The following LDLRAD3 variants were observed in gnomAD, a reference collection of about 807,000 sequenced individuals.
The protein encoded by LDLRAD3 is low-density lipoprotein receptor class A domain-containing protein 3.
A neutral mutation model predicts 29.4 loss-of-function variants in LDLRAD3; 20 were observed. The ratio of observed to expected loss-of-function variants is 0.68; its 90% CI spans 0.48 to 0.99. LDLRAD3 has a LOEUF of 0.99. LDLRAD3 is among the 50% of genes least tolerant of loss of function. The pLI, the probability that LDLRAD3 is intolerant of heterozygous loss-of-function variation, is 0.00. For missense variants in LDLRAD3, 420 were observed against 454.3 expected, an observed-to-expected ratio of 0.92 and a Z score of 0.69; for synonymous variants, 157 against 192.7, an observed-to-expected ratio of 0.81 and a Z score of 1.53.
chr11:36,106,237 C>T (rs1853527385), intron 4 of LDLRAD3, among the ~76,000 whole-genome samples: 2 of 152,186 alleles, frequency 1.3e-5, no homozygotes, highest in Non-Finnish European at 2.9e-5. Context: ...ATTTTCTGTA[C>T]TTGGTGCACA....
chr11:36,165,950 C>T (rs1163764064), intron 4 of LDLRAD3, among the ~76,000 whole-genome samples: 5 of 117,074 alleles, frequency 4.3e-5, no homozygotes, highest in Non-Finnish European at 6.9e-5. Context: ...TGCTTCCTCC[C>T]TCCCTCCCTC....
chr11:36,113,092 G>C (rs954742), intron 4 of LDLRAD3, among the ~76,000 whole-genome samples: 4,326 of 152,212 alleles, frequency 0.028, 202 homozygotes, highest in African/African-American at 0.098. Context: ...ATCTTTTGAG[G>C]GACTTTTGGG....
At chr11:36,047,336 A>G (rs1466143300) in intron 2 of LDLRAD3, among the ~76,000 whole-genome samples, 1 of 152,196 alleles carries the variant, frequency 6.6e-6, no homozygotes, top group African/African-American at 2.4e-5. Context: ...TCTTTCATGC[A>G]TTTCACCGTC....
chr11:36,036,309 A>G (rs2133210307), intron 2 of LDLRAD3, 60 bp downstream of exon 2: 1 of 1,604,446 alleles, frequency 6.2e-7, no homozygotes, highest in African/African-American at 1.3e-5. Context: ...AGAGGGGAGC[A>G]GGTCCTGAGC....
At chr11:36,099,114 T>G (rs554818503) in intron 4 of LDLRAD3, among the ~76,000 whole-genome samples, 1 of 152,308 alleles carries the variant, frequency 6.6e-6, no homozygotes, top group South Asian at 2.1e-4. Context: ...TGTTTACTGC[T>G]TTGTTTCCTT....
chr11:36,126,774 G>A (rs185165387), intron 4 of LDLRAD3, among the ~76,000 whole-genome samples: 1 of 152,210 alleles, frequency 6.6e-6, no homozygotes, highest in African/African-American at 2.4e-5. Flanking sequence ...TTTAATTTCT[G>A]TTGAAAGGAA....
At chr11:35,964,358 C>T (rs568459196) in intron 1 of LDLRAD3, among the ~76,000 whole-genome samples, 11 of 152,104 alleles carry the variant, frequency 7.2e-5, no homozygotes, top group Non-Finnish European at 1.6e-4. Context: ...GAACAACTTG[C>T]TGGGACTTGG....
intron 1 of LDLRAD3, among the ~76,000 whole-genome samples, chr11:35,980,542 T>C (rs1851527983): frequency 6.6e-6 from 1 of 152,216 alleles, no homozygotes; most frequent in African/African-American, 2.4e-5. Context: ...ATGAGAAATA[T>C]TATTTTATTA....
At chr11:36,095,017 C>G (rs1221335362) in intron 3 of LDLRAD3, among the ~76,000 whole-genome samples, 1 of 152,026 alleles carries the variant, frequency 6.6e-6, no homozygotes, top group Non-Finnish European at 1.5e-5. Context: ...AGACCCCTGT[C>G]TCTACAAAAC....
chr11:36,199,928 A>C (rs746925692), intron 4 of LDLRAD3, among the ~76,000 whole-genome samples: 4 of 152,094 alleles, frequency 2.6e-5, no homozygotes, highest in Admixed American at 6.6e-5. Context: ...GCACTTTAGG[A>C]GGCTGAGGTG....
intron 4 of LDLRAD3, among the ~76,000 whole-genome samples, chr11:36,180,234 CCTCTTCACT>C (rs976067715): frequency 1.8e-4 from 27 of 152,000 alleles, no homozygotes; most frequent in African/African-American, 6.0e-4. Context: ...GATTTGTCTG[CCTCTTCACT>C]CTCTTCTGCT....
intron 1 of LDLRAD3, among the ~76,000 whole-genome samples, chr11:36,025,633 C>T (rs1852155520): frequency 1.3e-5 from 2 of 151,912 alleles, no homozygotes; most frequent in Non-Finnish European, 2.9e-5. Flanking sequence ...TTGTGATCTG[C>T]CCGCCTCGGC....
intron 1 of LDLRAD3, among the ~76,000 whole-genome samples, chr11:35,958,977 C>T (rs928897971): frequency 2.6e-5 from 4 of 152,174 alleles, no homozygotes; most frequent in Non-Finnish European, 4.4e-5. Flanking sequence ...TCCCCTGCCC[C>T]TCCCAGCAGC....
chr11:36,139,229 C>G (rs2133313024), intron 4 of LDLRAD3, among the ~76,000 whole-genome samples: 1 of 152,332 alleles, frequency 6.6e-6, no homozygotes, highest in South Asian at 2.1e-4. Context: ...GTTGTGACAA[C>G]TAACAATGTC....
intron 3 of LDLRAD3, among the ~76,000 whole-genome samples, chr11:36,095,901 TG>T (rs1338264917): frequency 3.9e-5 from 6 of 152,108 alleles, no homozygotes; most frequent in African/African-American, 1.4e-4. Flanking sequence ...GCCACCACGG[TG>T]GGATGTTGAT....
At chr11:36,134,975 G>A (rs970605806) in intron 4 of LDLRAD3, among the ~76,000 whole-genome samples, 6 of 152,036 alleles carry the variant, frequency 3.9e-5, no homozygotes, top group Non-Finnish European at 8.8e-5. Flanking sequence ...TTACTCTTAT[G>A]TCCCCAGTTC....
In LDLRAD3 at chr11:36,078,026, C is replaced by T. The variant is rs141329677; in HGVS notation, c.194-3627C>T. On this transcript the variant is annotated intron_variant, in intron 2 of 5. Coordinates refer to ENST00000315571, the MANE Select transcript of LDLRAD3 (RefSeq NM_174902.4). ...AGACTCACAGTGGGCAGCTCCTCTC[C>T]GTAGCCAGGGTATCTTGATGAGTGT... 2.3e-3 allele frequency among the ~76,000 whole-genome samples: 352 copies of T among 152,270 alleles called. 2 individuals are homozygous for T. The highest frequency in any genetic ancestry group is 0.01 in the Middle Eastern group (3 of 294).
At chr11:36,025,393 T>C (rs1445829195) in intron 1 of LDLRAD3, among the ~76,000 whole-genome samples, 1 of 150,910 alleles carries the variant, frequency 6.6e-6, no homozygotes, top group Non-Finnish European at 1.5e-5. Context: ...CTTCAGATTT[T>C]TTTTTTTTTT....
intron 1 of LDLRAD3, among the ~76,000 whole-genome samples, chr11:35,966,800 A>G (rs911494759): frequency 6.6e-6 from 1 of 152,256 alleles, no homozygotes; most frequent in African/African-American, 2.4e-5. Context: ...ACCCACTTCC[A>G]CAAAGGGGTT....
Sources: gnomAD v4.1 joint callset for allele counts (sites outside exome capture counted in the v4.1 genomes callset) on GRCh38, gnomAD v4.1.1 for gene constraint, MANE v1.5 for transcripts, NCBI Gene and HGNC (gene_info 2026-07-23, HGNC 2026-07-21) for gene names.